The following PDIA4 variants were observed in gnomAD, a reference collection of about 807,000 sequenced individuals.
PDIA4 encodes the protein protein disulfide-isomerase A4.
Under a neutral mutation model 62.1 loss-of-function variants are expected in PDIA4, and 33 were observed. That is an observed-to-expected ratio of 0.53 (90% confidence interval 0.40 to 0.71). The LOEUF (loss-of-function observed/expected upper bound fraction) is 0.71, where lower values mean the gene tolerates loss of function less well. Among genes scored for constraint, PDIA4 ranks in the 30% least tolerant of loss-of-function variants. The pLI, the probability that PDIA4 is intolerant of heterozygous loss-of-function variation, is 0.00. For synonymous variants in PDIA4, 341 were observed against 324.1 expected, an observed-to-expected ratio of 1.05 and a Z score of -0.56; for missense variants, 804 against 813.6, an observed-to-expected ratio of 0.99 and a Z score of 0.14.
rs550651494 is a variant in PDIA4 at position 149,008,074 on chromosome 7, C to T, written c.1131+85G>A. 1.7e-5 allele frequency: 22 copies of T among 1,307,832 alleles called. No individual in the cohort carries two copies. In the African/African-American group the frequency reaches 2.1e-4, roughly 12 times the overall value. The allele number at this position is 1,307,832 out of a possible 1,614,324, so 81.0% of individuals were successfully genotyped here. The stretch of plus-strand genomic sequence containing the variant: ...CCTGCAGACAAGAGCGAAACCTCCA[C>T]GTTTGAAACCTCAGAGGTGGCTCAA... On this transcript the variant is annotated intron_variant, in intron 7 of 9. Transcript: ENST00000652332.
At position 149,028,348 on chromosome 7, in the gene PDIA4, C is replaced by A. The variant is rs1233447548; in HGVS notation, c.61G>T (p.Val21Leu). The part of the protein sequence containing the change: ...LLLGLVQLLA[V>L]AGAEGPDEDS... ...TCGTCCGGGCCCTCGGCACCCGCCA[C>A]GGCCAGCAGCTGCACCAGCCCCAAG... The change falls in exon 1 of 10, where the codon GTG (valine) becomes TTG (leucine). Residue 21 changes from valine to leucine, a missense_variant. Coordinates refer to ENST00000652332, the MANE Select transcript of PDIA4 (RefSeq NM_004911.5). 3 of 1,525,710 alleles carry A rather than the reference C, an allele frequency of 2.0e-6. No homozygotes were observed. Among genetic ancestry groups the A allele is most frequent in the Admixed American group, 4.0e-5 (2 of 49,496 alleles). 94.5% of individuals were successfully genotyped at this position (1,525,710 alleles called of 1,614,324 possible).
rs1016324631 is a variant in PDIA4 at position 149,028,173 on chromosome 7, G to A, written c.88+148C>T. 4 of 619,762 alleles carry A rather than the reference G, an allele frequency of 6.5e-6. No individual in the cohort carries two copies. In the Admixed American group the frequency reaches 9.0e-5, roughly 14 times the overall value. The allele number at this position is 619,762 out of a possible 1,614,324, so 38.4% of individuals were successfully genotyped here. On this transcript the variant is annotated intron_variant, in intron 1 of 9. Coordinates refer to ENST00000652332, the MANE Select transcript of PDIA4 (RefSeq NM_004911.5). ...CCACCGCCCCCGCCCCTTCAACTCCGCCAAGTTTACCCCGGGCTCGGCGCC... is the reference window on the plus strand; with the variant it reads ...CCACCGCCCCCGCCCCTTCAACTCCACCAAGTTTACCCCGGGCTCGGCGCC...
At chr7:149,012,697 G>A (rs1396371737) in intron 4 of PDIA4, among the ~76,000 whole-genome samples, 1 of 152,208 alleles carries the variant, frequency 6.6e-6, no homozygotes, top group Non-Finnish European at 1.5e-5. Flanking sequence ...CTTGGTTGGA[G>A]AGTTGGGGGC....
chr7:149,004,339 T>G, intron 9 of PDIA4, 130 bp from the exon 10 acceptor site: 1 of 828,726 alleles, frequency 1.2e-6, no homozygotes, highest in East Asian at 2.4e-5. Context: ...AAGAGCCCAC[T>G]ACTGTAGAAA....
intron 3 of PDIA4, among the ~76,000 whole-genome samples, chr7:149,016,068 G>C (rs1465584045): frequency 6.6e-6 from 1 of 152,212 alleles, no homozygotes; most frequent in African/African-American, 2.4e-5. Flanking sequence ...GCCGAGGTGG[G>C]TGGATCATGG....
chr7:149,008,076 T>A (rs6978647), intron 7 of PDIA4, 83 bp downstream of exon 7: 9 of 1,339,300 alleles, frequency 6.7e-6, no homozygotes, highest in Non-Finnish European at 9.3e-6. Context: ...AACCTCCACG[T>A]TTGAAACCTC....
intron 7 of PDIA4, 36 bp downstream of exon 7, chr7:149,008,123 G>A (rs2129504133): frequency 1.9e-6 from 3 of 1,600,288 alleles, no homozygotes; most frequent in South Asian, 1.1e-5. Flanking sequence ...TGCCTGCGGG[G>A]TGTCCAGGGC....
rs759798100 is a variant in PDIA4 at position 149,008,186 on chromosome 7, C to T, written c.1104G>A (p.Glu368=). Residue 368 remains glutamate, a synonymous_variant, in exon 7 of 10, where the codon GAG becomes GAA. Coordinates refer to ENST00000652332, the MANE Select transcript of PDIA4 (RefSeq NM_004911.5). ...MQPEKFQSKY[E]PRSHMMDVQG... ...GGACGTCCATCATGTGGCTCCGGGG[C>T]TCATACTTGGACTGGAATTTCTCAG... The T allele has an allele frequency of 6.2e-7, 1 of 1,614,034 alleles. No individual in the cohort carries two copies. The highest frequency in any genetic ancestry group is 1.1e-5 in the South Asian group (1 of 91,048).
rs143550335 is a variant in PDIA4 at position 149,011,885 on chromosome 7, C to G, written c.940G>C (p.Gly314Arg). 703 of 1,599,512 alleles carry G rather than the reference C, an allele frequency of 4.4e-4. 1 individual carries two copies. Among genetic ancestry groups the G allele is most frequent in the Non-Finnish European group, 5.7e-4 (667 of 1,172,488 alleles). The change falls in exon 6 of 10, where the codon GGG becomes CGG. Residue 314 changes from glycine to arginine, a missense_variant. Physicochemically the swap from Gly to Arg is moderately radical, Grantham distance 125. Transcript: ENST00000652332. The part of the protein sequence containing the change: ...DDVIIIGVFK[G>R]ESDPAYQQYQ... Reference sequence around the variant, plus strand: ...TGCTGGTAGGCTGGGTCACTCTCCCCCTTAAAGACCCCGATGATGATGACA... The same window carrying G: ...TGCTGGTAGGCTGGGTCACTCTCCCGCTTAAAGACCCCGATGATGATGACA...
At chr7:149,019,228 G>T in intron 2 of PDIA4, 31 bp from the exon 3 acceptor site, 1 of 1,465,080 alleles carries the variant, frequency 6.8e-7, no homozygotes, top group Non-Finnish European at 9.6e-7. Context: ...GGCAAAAAAC[G>T]TTAACTGTAC....
chr7:149,004,016 G>A lies in PDIA4; in HGVS notation c.1716C>T (p.Tyr572=), dbSNP rs770653550. The change falls in exon 10 of 10, where the codon TAC becomes TAT. Residue 572 remains tyrosine, a synonymous_variant. Coordinates refer to ENST00000652332, the MANE Select transcript of PDIA4 (RefSeq NM_004911.5). ...EPVYNSLAKK[Y]KGQKGLVIAK... is the part of the protein sequence containing the mutation. ...CGATGACCAGGCCCTTTTGGCCCTT[G>A]TACTTCTTGGCCAGGCTGTTGTACA... 1 of 1,614,234 alleles carries A rather than the reference G, an allele frequency of 6.2e-7. No homozygotes were observed. Among genetic ancestry groups the A allele is most frequent in the South Asian group, 1.1e-5 (1 of 91,086 alleles).
chr7:149,005,848 C>T (rs199885687), intron 8 of PDIA4, 49 bp downstream of exon 8: 68 of 1,415,302 alleles, frequency 4.8e-5, no homozygotes, highest in East Asian at 4.3e-4. Flanking sequence ...CCTGAAAGAA[C>T]GAGTCCCCCC....
At chr7:149,006,923 G>C (rs958525421) in intron 7 of PDIA4, among the ~76,000 whole-genome samples, 3 of 152,230 alleles carry the variant, frequency 2.0e-5, no homozygotes, top group Non-Finnish European at 2.9e-5. Flanking sequence ...AGACTGCATA[G>C]ATCTTGAAGC....
At chr7:149,011,053 A>C (rs1823927380) in intron 6 of PDIA4, among the ~76,000 whole-genome samples, 1 of 152,264 alleles carries the variant, frequency 6.6e-6, no homozygotes, top group Non-Finnish European at 1.5e-5. Context: ...TTTATACATT[A>C]ATCTGCATTT....
chr7:149,026,756 G>A (rs1423412122), intron 1 of PDIA4, among the ~76,000 whole-genome samples: 1 of 148,614 alleles, frequency 6.7e-6, no homozygotes, highest in African/African-American at 2.5e-5. Flanking sequence ...CCATGATCAG[G>A]ACAGTGCACT....
chr7:149,020,392 T>C (rs1303531089), intron 2 of PDIA4, among the ~76,000 whole-genome samples: 1 of 152,094 alleles, frequency 6.6e-6, no homozygotes, highest in African/African-American at 2.4e-5. Context: ...GCAGGGGTCA[T>C]GAGATTCAAA....
At chr7:149,013,293 G>A (rs1361606567) in intron 4 of PDIA4, among the ~76,000 whole-genome samples, 1 of 152,116 alleles carries the variant, frequency 6.6e-6, no homozygotes, top group Non-Finnish European at 1.5e-5. Context: ...TGGCACACAG[G>A]AGGCTCTCAG....
chr7:149,020,822 C>G, intron 2 of PDIA4, 145 bp downstream of exon 2: 1 of 1,328,414 alleles, frequency 7.5e-7, no homozygotes, highest in South Asian at 1.6e-5. Context: ...AACGAGTGAG[C>G]TCCCAGCGTT....
At chr7:149,005,446 C>T (rs1417390143) in intron 8 of PDIA4, 72 bp from the exon 9 acceptor site, 1 of 923,400 alleles carries the variant, frequency 1.1e-6, no homozygotes, top group African/African-American at 1.6e-5. Flanking sequence ...TGAGGTCAGG[C>T]TTCAGGTCCT....
Sources: allele counts gnomAD v4.1 joint callset (sites outside exome capture counted in the v4.1 genomes callset), GRCh38; gene constraint gnomAD v4.1.1; transcripts MANE v1.5; gene names NCBI Gene and HGNC (gene_info 2026-07-23, HGNC 2026-07-21).